DHX8: variants seen among roughly 807,000 people sequenced by gnomAD.
The protein encoded by DHX8 is ATP-dependent RNA helicase DHX8.
Under a neutral mutation model 140.7 loss-of-function variants are expected in DHX8, and 67 were observed. The ratio of observed to expected loss-of-function variants is 0.48; its 90% CI spans 0.39 to 0.58. DHX8 has a LOEUF of 0.58. Among genes scored for constraint, DHX8 ranks in the 20% least tolerant of loss-of-function variants. The pLI, the probability that DHX8 is intolerant of heterozygous loss-of-function variation, is 0.00. For missense variants in DHX8, 887 were observed against 1,550.7 expected (o/e 0.57, Z 7.19); for synonymous variants, 533 against 553.2 (o/e 0.96, Z 0.51).
chr17:43,488,590 G>A (rs1487714714), intron 1 of DHX8, among the ~76,000 whole-genome samples: 8 of 150,032 alleles, frequency 5.3e-5, no homozygotes, highest in Admixed American at 4.0e-4. Flanking sequence ...CAGCCTGGGC[G>A]ACAGAGCCAG....
chr17:43,540,040 C>T (rs1971441216), intron 3 of DHX8, among the ~76,000 whole-genome samples: 1 of 152,154 alleles, frequency 6.6e-6, no homozygotes, highest in Non-Finnish European at 1.5e-5. Flanking sequence ...ACATGAAATC[C>T]GCTGGCAAGA....
intron 3 of DHX8, among the ~76,000 whole-genome samples, chr17:43,537,630 A>G (rs977205092): frequency 6.6e-5 from 10 of 152,024 alleles, no homozygotes; most frequent in Non-Finnish European, 1.5e-5. Flanking sequence ...CAGGAGGCAG[A>G]GGTTGCAGTC....
At chr17:43,529,283 A>G (rs765877386), downstream of DHX8, 32 of 1,580,758 alleles carry the variant, frequency 2.0e-5, no homozygotes, top group African/African-American at 2.7e-5. Context: ...TTGGCAGAGG[A>G]AAAAATGGGG....
At chr17:43,510,943 A>G (rs748264362) in intron 16 of DHX8, among the ~76,000 whole-genome samples, 4 of 152,206 alleles carry the variant, frequency 2.6e-5, no homozygotes, top group African/African-American at 4.8e-5. Context: ...GTTCATCAAC[A>G]TTGTAGTATG....
chr17:43,541,681 G>A (rs1007043859), intron 3 of DHX8, among the ~76,000 whole-genome samples: 4 of 152,174 alleles, frequency 2.6e-5, no homozygotes, highest in Non-Finnish European at 5.9e-5. Context: ...CCAGGATCCA[G>A]TCATAGGGTG....
At chr17:43,484,512 G>A (rs951630870) in intron 1 of DHX8, among the ~76,000 whole-genome samples, 1 of 152,148 alleles carries the variant, frequency 6.6e-6, no homozygotes, top group Non-Finnish European at 1.5e-5. Context: ...GATGGCTGAC[G>A]TTTATTGGGT....
Position 43,495,934 on chromosome 17 carries a change from G to GA in DHX8, c.1213-241dup, listed in dbSNP as rs573550011. Among the ~76,000 whole-genome samples the GA allele has an allele frequency of 2.6e-5, 4 of 151,980 alleles. No homozygotes were observed. The East Asian group carries it at 7.7e-4, about 29-fold the overall frequency. Reference sequence around the variant, plus strand: ...GACAAGTAGTGAGACCCTGTTTCTAGAAAAAATTTAAAAATTAGCCAGGTA... The same window carrying GA: ...GACAAGTAGTGAGACCCTGTTTCTAGAAAAAAATTTAAAAATTAGCCAGGTA... On this transcript the variant is annotated intron_variant, in intron 8 of 22. Coordinates refer to ENST00000262415, the MANE Select transcript of DHX8 (RefSeq NM_004941.3).
chr17:43,492,314 C>T lies in DHX8; in HGVS notation c.503+22C>T, dbSNP rs1205122757. ...ACCGGTTTGTCCTTAGTGTCCTGTC[C>T]TTTGGAAGTTTAGGGTACTGTGACA... On this transcript the variant is annotated intron_variant, in intron 5 of 22. Coordinates refer to ENST00000262415, the MANE Select transcript of DHX8 (RefSeq NM_004941.3). 3 of 1,596,472 alleles carry T rather than the reference C, an allele frequency of 1.9e-6. No individual in the cohort carries two copies. The African/African-American group carries it at 4.0e-5, about 21-fold the overall frequency.
chr17:43,528,446 TC>T, downstream of DHX8: 1 of 1,061,228 alleles, frequency 9.4e-7, no homozygotes, highest in Non-Finnish European at 1.4e-6. Context: ...GATGAAGGTT[TC>T]CCCAACACCA....
downstream of DHX8, chr17:43,528,614 CTG>C (rs1970706969): frequency 1.2e-6 from 2 of 1,614,194 alleles, no homozygotes; most frequent in Non-Finnish European, 8.5e-7. Flanking sequence ...GACAAAGGGA[CTG>C]TGTCCTCCTC....
At chr17:43,508,149 C>A in intron 15 of DHX8, 130 bp downstream of exon 15, 1 of 1,150,340 alleles carries the variant, frequency 8.7e-7, no homozygotes, top group Non-Finnish European at 1.2e-6. Context: ...CTCTGCAAGC[C>A]TCAGGCTTGT....
chr17:43,507,339 T>C (rs1289061239), intron 13 of DHX8, 142 bp downstream of exon 13: 2 of 1,110,464 alleles, frequency 1.8e-6, no homozygotes, highest in Non-Finnish European at 2.5e-6. Flanking sequence ...ATAATCAGTC[T>C]GTTCAGAGTA....
chr17:43,529,140 G>A (rs1464267671), downstream of DHX8: 1 of 1,613,660 alleles, frequency 6.2e-7, no homozygotes, highest in Non-Finnish European at 8.5e-7. Flanking sequence ...CCCACCTTCT[G>A]CATGATGCCT....
downstream of DHX8, chr17:43,528,618 GTCC>G (rs748518022): frequency 4.6e-5 from 74 of 1,614,194 alleles, no homozygotes; most frequent in Admixed American, 1.5e-4. Context: ...AAGGGACTGT[GTCC>G]TCCTCACTGA....
chr17:43,528,672 G>T (rs376423516), downstream of DHX8: 1 of 1,614,184 alleles, frequency 6.2e-7, no homozygotes, highest in African/African-American at 1.3e-5. Context: ...GACGCTGATT[G>T]TCCGGGAAGG....
At chr17:43,520,565 T>A (rs1231273191) in intron 19 of DHX8, among the ~76,000 whole-genome samples, 186 bp from the exon 20 acceptor site, 2 of 152,204 alleles carry the variant, frequency 1.3e-5, no homozygotes, top group African/African-American at 2.4e-5. Flanking sequence ...GTCACATACA[T>A]CCCGTTGGAG....
chr17:43,538,751 AAG>A (rs1263433201), intron 3 of DHX8, among the ~76,000 whole-genome samples: 1 of 152,140 alleles, frequency 6.6e-6, no homozygotes, highest in Non-Finnish European at 1.5e-5. Flanking sequence ...TTATTCCAGG[AAG>A]AGAGTGGTTC....
At chr17:43,504,136 G>A (rs963827859) in intron 11 of DHX8, among the ~76,000 whole-genome samples, 1 of 152,030 alleles carries the variant, frequency 6.6e-6, no homozygotes, top group Non-Finnish European at 1.5e-5. Context: ...TCTCGATATA[G>A]CAGTTATTTA....
rs1048766693 is a variant in DHX8, at chr17:43,524,755, T to C, written c.*908T>C. The C allele has an allele frequency of 4.1e-6, 4 of 985,348 alleles. No individual in the cohort carries two copies. Among genetic ancestry groups the C allele is most frequent in the Admixed American group, 1.2e-4 (2 of 16,262 alleles). The allele number at this position is 985,348 out of a possible 1,614,324, so 61.0% of individuals were successfully genotyped here. ...TTTTTATTTTTTTCCCCTGAGGTCC[T>C]GGATGGACTTTAACAAAGGGATTTT... On this transcript the variant is annotated 3_prime_UTR_variant, in exon 23 of 23. Coordinates refer to ENST00000262415, the MANE Select transcript of DHX8 (RefSeq NM_004941.3).
Sources: gnomAD v4.1 joint callset for allele counts (sites outside exome capture counted in the v4.1 genomes callset) on GRCh38, gnomAD v4.1.1 for gene constraint, MANE v1.5 for transcripts, NCBI Gene and HGNC (gene_info 2026-07-23, HGNC 2026-07-21) for gene names.